RTN1: variants seen among roughly 807,000 people sequenced by gnomAD.
The protein encoded by RTN1 is reticulon-1.
A neutral mutation model predicts 65.5 loss-of-function variants in RTN1; 25 were observed. That is an observed-to-expected ratio of 0.38 (90% CI 0.28 to 0.53). The LOEUF is 0.53. Among genes scored for constraint, RTN1 ranks in the 20% least tolerant of loss-of-function variants. The pLI is 0.79. For missense variants in RTN1, 983 were observed against 1,025.4 expected (o/e 0.96, Z 0.57); for synonymous variants, 471 against 447.6 (o/e 1.05, Z -0.66).
In RTN1 at chr14:59,849,473, T is replaced by C. The variant is rs1055417674; in HGVS notation, c.241+20917A>G. Among the ~76,000 whole-genome samples, 6 of 152,200 alleles carry C rather than the reference T, an allele frequency of 3.9e-5. No individual in the cohort carries two copies. The highest frequency in any genetic ancestry group is 1.4e-4 in the African/African-American group (6 of 41,456). The stretch of plus-strand genomic sequence containing the variant: ...AAGTATATAAATACACCCCTATATC[T>C]GAGGGAAAACCCTCAGCTAAATTCT... On this transcript the variant is annotated intron_variant, in intron 1 of 8. Transcript: ENST00000267484. This position sits in a 1 kb window ranked among gnomAD's most constrained non-coding sequence, Gnocchi z 4.5.
chr14:59,754,953 G>A (rs1885606101), intron 1 of RTN1, among the ~76,000 whole-genome samples: 1 of 152,148 alleles, frequency 6.6e-6, no homozygotes, highest in Non-Finnish European at 1.5e-5. Flanking sequence ...TGTCATGAAC[G>A]TGATGATGCC....
At chr14:59,754,627 T>C (rs1042042447) in intron 1 of RTN1, among the ~76,000 whole-genome samples, 8 of 152,196 alleles carry the variant, frequency 5.3e-5, no homozygotes, top group Non-Finnish European at 1.0e-4. Flanking sequence ...AATGAGATAA[T>C]GCCCTTAGAT....
chr14:59,678,945 T>C (rs1272264565), intron 3 of RTN1, among the ~76,000 whole-genome samples: 1 of 152,228 alleles, frequency 6.6e-6, no homozygotes, highest in Non-Finnish European at 1.5e-5. Context: ...TTAAGGACCA[T>C]AGATACAGGT....
Position 59,676,283 on chromosome 14 carries a change from A to G in RTN1, c.1765+50636T>C, listed in dbSNP as rs540618892. On this transcript the variant is annotated intron_variant, in intron 3 of 8. Transcript: ENST00000267484. ...CAGAAGCTGTAAAAATTAATGAGTC[A>G]GTGTCTTATGTGTATAGCTGATCCT... Among the ~76,000 whole-genome samples, 18 of 152,384 alleles carry G rather than the reference A, an allele frequency of 1.2e-4. No homozygotes were observed. In the East Asian group the frequency reaches 3.3e-3, roughly 28 times the overall value.
intron 3 of RTN1, among the ~76,000 whole-genome samples, chr14:59,642,431 A>G (rs1020037705): frequency 3.3e-5 from 5 of 152,208 alleles, no homozygotes; most frequent in East Asian, 1.9e-4. Context: ...CTCCTCTTCT[A>G]TGAAAGCAAT....
At chr14:59,714,462 G>C (rs1222263205) in intron 3 of RTN1, among the ~76,000 whole-genome samples, 2 of 152,086 alleles carry the variant, frequency 1.3e-5, no homozygotes, top group Admixed American at 6.5e-5. Flanking sequence ...TTCATTAGCA[G>C]GTAGCTTTCC....
chr14:59,617,893 C>T (rs1882146686), intron 3 of RTN1, among the ~76,000 whole-genome samples: 1 of 152,348 alleles, frequency 6.6e-6, no homozygotes, highest in African/African-American at 2.4e-5. Flanking sequence ...ATTCCCACTA[C>T]ATCCCCTGTC....
At chr14:59,788,656 C>A (rs970942049) in intron 1 of RTN1, among the ~76,000 whole-genome samples, 3 of 151,688 alleles carry the variant, frequency 2.0e-5, no homozygotes, top group Admixed American at 6.6e-5. Flanking sequence ...TTTTAAATAC[C>A]CAATGTTTAT....
intron 3 of RTN1, among the ~76,000 whole-genome samples, chr14:59,654,392 G>A (rs1181646720): frequency 6.8e-6 from 1 of 146,452 alleles, no homozygotes; most frequent in Non-Finnish European, 1.5e-5. Context: ...TTGTGCCACG[G>A]CACTCCAGCC....
intron 3 of RTN1, among the ~76,000 whole-genome samples, chr14:59,636,086 A>G (rs1373663119): frequency 6.6e-6 from 1 of 152,238 alleles, no homozygotes; most frequent in Non-Finnish European, 1.5e-5. Flanking sequence ...GATGCCTACA[A>G]AAGAAAATCT....
chr14:59,766,541 C>T lies in RTN1; in HGVS notation c.242-20060G>A, dbSNP rs1885854220. ...TTCAAATAGAGCTATCCAGTTACCT[C>T]CTAGCTTCTGGTTGTTTATCAGATG... On this transcript the variant is annotated intron_variant, in intron 1 of 8. Coordinates refer to ENST00000267484, the MANE Select transcript of RTN1 (RefSeq NM_021136.3). This position sits in a 1 kb window ranked among gnomAD's most constrained non-coding sequence, Gnocchi z 4.4. Among the ~76,000 whole-genome samples the T allele has an allele frequency of 6.6e-6, 1 of 152,070 alleles. No individual in the cohort carries two copies. Among genetic ancestry groups the T allele is most frequent in the South Asian group, 2.1e-4 (1 of 4,824 alleles).
At chr14:59,736,382 G>C (rs1035811228) in intron 2 of RTN1, among the ~76,000 whole-genome samples, 25 of 152,070 alleles carry the variant, frequency 1.6e-4, no homozygotes, top group African/African-American at 6.0e-4. Context: ...AATGATCAGA[G>C]AATACTATAA....
At chr14:59,637,938 G>A (rs1310205473) in intron 3 of RTN1, among the ~76,000 whole-genome samples, 4 of 151,388 alleles carry the variant, frequency 2.6e-5, no homozygotes, top group South Asian at 4.2e-4. Context: ...TGCAACTTCC[G>A]CCTCCTGGGT....
chr14:59,632,532 G>C (rs1882575904), intron 3 of RTN1, among the ~76,000 whole-genome samples: 1 of 152,126 alleles, frequency 6.6e-6, no homozygotes, highest in African/African-American at 2.4e-5. Flanking sequence ...GAGATCTTTA[G>C]AGCTGTGGCC....
chr14:59,762,272 C>T (rs1035521131), intron 1 of RTN1, among the ~76,000 whole-genome samples: 1 of 152,142 alleles, frequency 6.6e-6, no homozygotes, highest in African/African-American at 2.4e-5. Context: ...TTTAATAAGT[C>T]ATTAAACTTA....
At chr14:59,689,169 T>C (rs929123232) in intron 3 of RTN1, among the ~76,000 whole-genome samples, 6 of 152,086 alleles carry the variant, frequency 3.9e-5, no homozygotes, top group African/African-American at 1.4e-4. Context: ...CAATATAAAA[T>C]TGAAAGCTTC....
chr14:59,870,618 C>T lies in RTN1; in HGVS notation c.13G>A (p.Gly5Arg), dbSNP rs998449577. MAAP[G>R]DPQDELLPLA... The stretch of plus-strand genomic sequence containing the variant: ...GGCAGCAGCTCGTCCTGCGGATCCC[C>T]CGGCGCGGCCATGGCTGGCGGTCCC... The change falls in exon 1 of 9, where the codon GGG (glycine) becomes AGG (arginine). Residue 5 changes from glycine (G) to arginine (R), a missense_variant. Transcript: ENST00000267484. The surrounding 1 kb of genome is among the most constrained non-coding windows in gnomAD (Gnocchi z 5.1). 3 of 1,420,968 alleles carry T rather than the reference C, an allele frequency of 2.1e-6. No individual in the cohort carries two copies. Among genetic ancestry groups the T allele is most frequent in the South Asian group, 2.9e-5 (2 of 68,446 alleles). 88.0% of individuals were successfully genotyped at this position (1,420,968 alleles called of 1,614,324 possible).
At chr14:59,691,991 G>A (rs192093324) in intron 3 of RTN1, among the ~76,000 whole-genome samples, 2 of 152,204 alleles carry the variant, frequency 1.3e-5, no homozygotes, top group Admixed American at 6.5e-5. Context: ...TATTGAACAG[G>A]CAAAAGCTGG....
chr14:59,731,411 T>C (rs1884894305), intron 2 of RTN1, among the ~76,000 whole-genome samples: 1 of 152,174 alleles, frequency 6.6e-6, no homozygotes, highest in Non-Finnish European at 1.5e-5. Context: ...CTAAAATTTA[T>C]TGCAGTGATG....
Sources: gnomAD v4.1 joint callset for allele counts (sites outside exome capture counted in the v4.1 genomes callset) on GRCh38, gnomAD v4.1.1 for gene constraint, Gnocchi (gnomAD v3.1) non-coding constraint, MANE v1.5 for transcripts, NCBI Gene and HGNC (gene_info 2026-07-23, HGNC 2026-07-21) for gene names.